Variants in C12orf42 observed in about 807,000 individuals in gnomAD.
C12orf42 encodes the protein chromosome 12 open reading frame 42, also known as uncharacterized protein C12orf42.
A neutral mutation model predicts 21.6 loss-of-function variants in C12orf42; 25 were observed. The ratio of observed to expected loss-of-function variants is 1.16; its 90% confidence interval spans 0.84 to 1.62. The LOEUF (loss-of-function observed/expected upper bound fraction) is 1.62, where lower values mean the gene tolerates loss of function less well. C12orf42 is among the 40% of genes most tolerant of loss of function. The probability of loss-of-function intolerance (pLI) is 0.00; values close to 1 mark genes in which losing one functional copy is unlikely to be tolerated. For missense variants in C12orf42, 483 were observed against 459.3 expected, an observed-to-expected ratio of 1.05 and a Z score of -0.47; for synonymous variants, 174 against 175.0, an observed-to-expected ratio of 0.99 and a Z score of 0.05.
the C12orf42 span, among the ~76,000 whole-genome samples, chr12:103,511,332 A>T: frequency 9.8e-3 from 1,470 of 150,668 alleles, 11 homozygotes; most frequent in Non-Finnish European, 0.016. Context: ...TATTTTTTAT[A>T]TATTTGATAA....
the C12orf42 span, among the ~76,000 whole-genome samples, chr12:103,129,205 G>C: frequency 6.6e-6 from 1 of 152,196 alleles, no homozygotes; most frequent in Non-Finnish European, 1.5e-5. Context: ...CACGGAGAGA[G>C]AGAAACTGCT....
At chr12:103,280,055 T>G (rs1297095765) in intron 4 of C12orf42, among the ~76,000 whole-genome samples, 1 of 152,162 alleles carries the variant, frequency 6.6e-6, no homozygotes, top group African/African-American at 2.4e-5. Context: ...AATAATAATA[T>G]TAATAATTAA....
intron 2 of C12orf42, among the ~76,000 whole-genome samples, chr12:103,416,034 G>GT (rs3065787): frequency 0.18 from 26,857 of 146,740 alleles, 2,762 homozygotes; most frequent in African/African-American, 0.29. Flanking sequence ...TGTTTAGTGG[G>GT]TTTTTTTTTT....
chr12:103,368,329 A>T (rs2044825722), intron 4 of C12orf42, among the ~76,000 whole-genome samples: 3 of 151,758 alleles, frequency 2.0e-5, no homozygotes, highest in South Asian at 2.1e-4. Flanking sequence ...ACACACACAC[A>T]CACACACACA....
chr12:103,086,291 A>G, the C12orf42 span, among the ~76,000 whole-genome samples: 1 of 151,926 alleles, frequency 6.6e-6, no homozygotes, highest in African/African-American at 2.4e-5. Context: ...AACACTTCCT[A>G]ATTTAACACA....
intron 3 of C12orf42, among the ~76,000 whole-genome samples, chr12:103,386,947 T>C (rs2046661368): frequency 2.0e-5 from 3 of 152,222 alleles, no homozygotes; most frequent in African/African-American, 7.2e-5. Flanking sequence ...AGTCACATCC[T>C]GCAGCTCGCA....
At chr12:103,116,494 G>A in the C12orf42 span, among the ~76,000 whole-genome samples, 804 of 151,538 alleles carry the variant, frequency 5.3e-3, 1 homozygote, top group Middle Eastern at 0.01. Flanking sequence ...AATCTTAGTC[G>A]TTCACTGACA....
chr12:103,315,687 A>C (rs1413878291), intron 4 of C12orf42, among the ~76,000 whole-genome samples: 1 of 152,220 alleles, frequency 6.6e-6, no homozygotes, highest in Non-Finnish European at 1.5e-5. Flanking sequence ...TTAATGACAG[A>C]CACAAAACAG....
At chr12:103,483,080 T>C (rs1039814977) in intron 1 of C12orf42, among the ~76,000 whole-genome samples, 20 of 152,346 alleles carry the variant, frequency 1.3e-4, no homozygotes, top group Admixed American at 8.5e-4. Flanking sequence ...TTGGTGTCTG[T>C]TATTTCTGTT....
chr12:103,519,599 A>G, the C12orf42 span, among the ~76,000 whole-genome samples: 6 of 152,180 alleles, frequency 3.9e-5, no homozygotes, highest in Admixed American at 1.3e-4. Flanking sequence ...ACAAACCTGG[A>G]CTACAATAAG....
chr12:103,105,112 TC>T, the C12orf42 span, among the ~76,000 whole-genome samples: 1 of 152,084 alleles, frequency 6.6e-6, no homozygotes, highest in Non-Finnish European at 1.5e-5. Flanking sequence ...AGCAAATGAA[TC>T]CATTGTACAC....
the C12orf42 span, among the ~76,000 whole-genome samples, chr12:103,128,739 T>C: frequency 6.6e-6 from 1 of 152,224 alleles, no homozygotes; most frequent in Non-Finnish European, 1.5e-5. Context: ...TCATCATCAT[T>C]GTCATTATTT....
the C12orf42 span, among the ~76,000 whole-genome samples, chr12:103,104,730 G>A: frequency 6.6e-6 from 1 of 152,214 alleles, no homozygotes; most frequent in Non-Finnish European, 1.5e-5. Flanking sequence ...ACCGCGCCTG[G>A]CCGGGTTTTC....
chr12:103,203,843 G>T, the C12orf42 span, among the ~76,000 whole-genome samples: 4 of 152,182 alleles, frequency 2.6e-5, no homozygotes, highest in African/African-American at 9.6e-5. Flanking sequence ...GAGATGTAAT[G>T]CTAGGAAAGA....
In C12orf42 at chr12:103,424,405, T is replaced by C. The variant is rs117547735; in HGVS notation, c.79-22730A>G. Among the ~76,000 whole-genome samples, 812 of 152,322 alleles carry C rather than the reference T, an allele frequency of 5.3e-3. 7 individuals are homozygous for C. The highest frequency in any genetic ancestry group is 8.6e-3 in the Non-Finnish European group (588 of 68,032). On this transcript the variant is annotated intron_variant, in intron 2 of 5. Transcript: ENST00000548883. The stretch of plus-strand genomic sequence containing the variant: ...GGCAAGATGGCTGAATAGGAACAGC[T>C]CCGGTCTGCAACTCCCAGCAAGATC...
the C12orf42 span, among the ~76,000 whole-genome samples, chr12:103,174,088 C>A: frequency 3.9e-5 from 6 of 152,168 alleles, no homozygotes; most frequent in Non-Finnish European, 7.4e-5. Context: ...GCTACAGTTA[C>A]CATATGTTCA....
the C12orf42 span, among the ~76,000 whole-genome samples, chr12:103,101,958 G>A: frequency 3.3e-5 from 5 of 152,198 alleles, no homozygotes; most frequent in Admixed American, 1.3e-4. Flanking sequence ...GGGGCTGCAT[G>A]GTACCAAGAG....
At chr12:103,389,292 G>T (rs2046876286) in intron 3 of C12orf42, among the ~76,000 whole-genome samples, 1 of 152,178 alleles carries the variant, frequency 6.6e-6, no homozygotes, top group South Asian at 2.1e-4. Context: ...TCTGTATTTA[G>T]GAGTAGAAAG....
At chr12:103,468,480 A>C (rs1394082158) in intron 2 of C12orf42, among the ~76,000 whole-genome samples, 4 of 152,226 alleles carry the variant, frequency 2.6e-5, no homozygotes, top group Admixed American at 1.3e-4. Flanking sequence ...CAAAATGCAA[A>C]CTATAATACA....
Sources: gnomAD v4.1 joint callset for allele counts (sites outside exome capture counted in the v4.1 genomes callset) on GRCh38, gnomAD v4.1.1 for gene constraint, MANE v1.5 for transcripts, NCBI Gene and HGNC (gene_info 2026-07-23, HGNC 2026-07-21) for gene names.